HS2ST1: variants seen among roughly 807,000 people sequenced by gnomAD.
HS2ST1 encodes the protein 2-O-sulfotransferase.
In HS2ST1, 18 loss-of-function variants were observed where a neutral mutation model predicts 42.9. The ratio of observed to expected loss-of-function variants is 0.42; its 90% confidence interval spans 0.29 to 0.62. The LOEUF (loss-of-function observed/expected upper bound fraction) is 0.62. Ranked by LOEUF, HS2ST1 falls within the 20% of genes least tolerant of loss-of-function variation. The probability of loss-of-function intolerance (pLI) is 0.21; values close to 1 mark genes in which losing one functional copy is unlikely to be tolerated. For missense variants in HS2ST1, 334 were observed against 433.8 expected (o/e 0.77, Z 2.04); for synonymous variants, 146 against 152.9 (o/e 0.95, Z 0.33).
chr1:86,923,119 T>C (rs926625441), intron 1 of HS2ST1, among the ~76,000 whole-genome samples: 11 of 152,178 alleles, frequency 7.2e-5, no homozygotes, highest in Admixed American at 7.2e-4. Flanking sequence ...TATTACCCAG[T>C]TTATTTTTTA....
At chr1:87,079,409 A>AT (rs1651628341) in intron 2 of HS2ST1, among the ~76,000 whole-genome samples, 1 of 152,176 alleles carries the variant, frequency 6.6e-6, no homozygotes, top group South Asian at 2.1e-4. Flanking sequence ...AAGTGCTAGG[A>AT]TTATAGGCGT....
At chr1:87,034,539 A>G (rs1215506008) in intron 1 of HS2ST1, among the ~76,000 whole-genome samples, 3 of 152,220 alleles carry the variant, frequency 2.0e-5, no homozygotes, top group African/African-American at 2.4e-5. Context: ...TCAACGAACT[A>G]CTTTTGAAAA....
In HS2ST1 at chr1:87,106,165, G is replaced by A. The variant is rs1652319992; in HGVS notation, c.*1469G>A. On this transcript the variant is annotated 3_prime_UTR_variant, in exon 7 of 7. Transcript: ENST00000370550. ...CATTTTTTAACAAAGAAAGGGAAAA[G>A]TCTGCTTGTAAGCTGGTTGAAAAAG... is the stretch of plus-strand genomic sequence containing the variant. 6.6e-6 allele frequency: 1 copy of A among 152,494 alleles called. No individual in the cohort carries two copies. Among genetic ancestry groups the A allele is most frequent in the South Asian group, 2.1e-4 (1 of 4,822 alleles). The allele number at this position is 152,494 out of a possible 1,614,324, so 9.4% of individuals were successfully genotyped here. A position where few individuals can be genotyped will look rare whatever the true frequency, so the allele number is the denominator to read the frequency against.
At chr1:87,015,101 T>C (rs1181998736) in intron 1 of HS2ST1, among the ~76,000 whole-genome samples, 1 of 152,096 alleles carries the variant, frequency 6.6e-6, no homozygotes, top group Admixed American at 6.6e-5. Flanking sequence ...CAAGCTGGAG[T>C]GCAGTGGCGT....
chr1:87,104,136 A>G (rs748263656), intron 6 of HS2ST1, among the ~76,000 whole-genome samples: 3 of 152,174 alleles, frequency 2.0e-5, no homozygotes, highest in Non-Finnish European at 4.4e-5. Flanking sequence ...GTTTGACAAT[A>G]GGTATTTTAT....
chr1:87,018,383 A>G (rs1359071473), intron 1 of HS2ST1, among the ~76,000 whole-genome samples: 1 of 152,188 alleles, frequency 6.6e-6, no homozygotes, highest in African/African-American at 2.4e-5. Context: ...CAAAATGGTC[A>G]TCTGCACTCA....
chr1:86,932,534 T>G (rs1660565398), intron 1 of HS2ST1: 1 of 152,152 alleles, frequency 6.6e-6, no homozygotes, highest in African/African-American at 2.4e-5. Flanking sequence ...TAACTTTGAT[T>G]TTAGGCTAGG....
intron 1 of HS2ST1, among the ~76,000 whole-genome samples, chr1:87,028,091 C>G (rs540996720): frequency 2.7e-4 from 41 of 152,338 alleles, no homozygotes; most frequent in Admixed American, 9.8e-4. Flanking sequence ...ACAGGTCTGT[C>G]ATAAGATTTA....
At chr1:87,079,516 C>T (rs1651631173) in intron 2 of HS2ST1, among the ~76,000 whole-genome samples, 1 of 152,192 alleles carries the variant, frequency 6.6e-6, no homozygotes, top group African/African-American at 2.4e-5. Flanking sequence ...ATTTGCTTCA[C>T]ACTTTTTTCT....
At chr1:87,000,106 TAAA>T (rs140124849) in intron 1 of HS2ST1, among the ~76,000 whole-genome samples, 16 of 148,786 alleles carry the variant, frequency 1.1e-4, no homozygotes, top group African/African-American at 3.0e-4. Flanking sequence ...CTTGACTCAT[TAAA>T]AAAAAAAAAA....
chr1:86,922,097 T>C (rs1660311581), intron 1 of HS2ST1, among the ~76,000 whole-genome samples: 1 of 152,062 alleles, frequency 6.6e-6, no homozygotes, highest in South Asian at 2.1e-4. Flanking sequence ...TTCTGTTGTC[T>C]TTAGGATTAA....
At chr1:87,098,978 A>G (rs1170135224) in intron 5 of HS2ST1, among the ~76,000 whole-genome samples, 10 of 152,114 alleles carry the variant, frequency 6.6e-5, no homozygotes, top group Non-Finnish European at 8.8e-5. Flanking sequence ...GGGTTTCACC[A>G]TGTTGGCCAG....
chr1:87,051,354 T>A (rs1164418807), intron 1 of HS2ST1, among the ~76,000 whole-genome samples: 2 of 152,104 alleles, frequency 1.3e-5, no homozygotes, highest in African/African-American at 4.8e-5. Flanking sequence ...CAGTTTTGAG[T>A]TACTTTGCCT....
chr1:86,936,087 T>TTCTCTC (rs201734961), intron 1 of HS2ST1, among the ~76,000 whole-genome samples: 1 of 152,108 alleles, frequency 6.6e-6, no homozygotes. Context: ...TCTACTACAT[T>TTCTCTC]TCTCTCTGTC....
chr1:87,021,757 C>G (rs1649960067), intron 1 of HS2ST1, among the ~76,000 whole-genome samples: 1 of 152,130 alleles, frequency 6.6e-6, no homozygotes, highest in African/African-American at 2.4e-5. Flanking sequence ...CTCAAGTGAT[C>G]CTTCTGCCTT....
intron 1 of HS2ST1, among the ~76,000 whole-genome samples, chr1:86,972,357 A>T (rs534369971): frequency 6.6e-5 from 10 of 151,276 alleles, no homozygotes; most frequent in East Asian, 3.9e-4. Flanking sequence ...TTTAATAATT[A>T]TTTTTTTTTA....
intron 1 of HS2ST1, among the ~76,000 whole-genome samples, chr1:86,985,507 CACAT>C (rs1557504952): frequency 1.1e-4 from 8 of 75,938 alleles, no homozygotes; most frequent in African/African-American, 3.3e-4. Flanking sequence ...CACATATATA[CACAT>C]ATATATACAC....
In HS2ST1 at chr1:86,990,838, T is replaced by TATATATA. The variant is rs56155347; in HGVS notation, c.124+75678_124+75679insATATATA. On this transcript the variant is annotated intron_variant, in intron 1 of 6. Coordinates refer to ENST00000370550, the MANE Select transcript of HS2ST1 (RefSeq NM_012262.4). ...TATATATATATATATATATATATAT[T>TATATATA]TTTTTTTTTTTTTTTTTTTTTAGTA... 4.5e-3 allele frequency among the ~76,000 whole-genome samples: 125 copies of TATATATA among 28,074 alleles called. 2 individuals are homozygous for TATATATA. The highest frequency in any genetic ancestry group is 0.016 in the African/African-American group (104 of 6,654). 18.4% of individuals were successfully genotyped at this position (28,074 alleles called of 152,430 possible). A position where few individuals can be genotyped will look rare whatever the true frequency, so the allele number is the denominator to read the frequency against.
intron 1 of HS2ST1, among the ~76,000 whole-genome samples, chr1:86,957,941 C>T (rs1381208512): frequency 6.6e-6 from 1 of 151,952 alleles, no homozygotes; most frequent in Non-Finnish European, 1.5e-5. Context: ...TACAGGCATG[C>T]ATCACCACAT....
Sources: gnomAD v4.1 joint callset for allele counts (sites outside exome capture counted in the v4.1 genomes callset) on GRCh38, gnomAD v4.1.1 for gene constraint, MANE v1.5 for transcripts, NCBI Gene and HGNC (gene_info 2026-07-23, HGNC 2026-07-21) for gene names.